The following APOOL variants were observed in gnomAD, a reference collection of about 807,000 sequenced individuals.
The protein encoded by APOOL is apolipoprotein O like.
Under a neutral mutation model 23.1 loss-of-function variants are expected in APOOL, and 12 were observed. The ratio of observed to expected loss-of-function variants is 0.52; its 90% confidence interval spans 0.33 to 0.84. The LOEUF (loss-of-function observed/expected upper bound fraction) is 0.84, where lower values mean the gene tolerates loss of function less well. Ranked by LOEUF, APOOL falls within the 40% of genes least tolerant of loss-of-function variation. The pLI is 0.02. For missense variants in APOOL, 212 were observed against 199.6 expected (o/e 1.06, Z -0.37); for synonymous variants, 77 against 69.9 (o/e 1.10, Z -0.51).
At chrX:85,013,764 C>T (rs973242510) in intron 1 of APOOL, among the ~76,000 whole-genome samples, 1 of 111,516 alleles carries the variant, frequency 9.0e-6, no homozygotes, top group African/African-American at 3.3e-5. Context: ...GAGAATGTTC[C>T]ATGTCCTGAT....
intron 5 of APOOL, among the ~76,000 whole-genome samples, chrX:85,062,583 A>C (rs1923273805): frequency 8.9e-6 from 1 of 112,037 alleles, no homozygotes; most frequent in African/African-American, 3.2e-5. Context: ...GTTTTCCTGC[A>C]TATGGCTAGC....
intron 1 of APOOL, among the ~76,000 whole-genome samples, chrX:85,018,524 C>T (rs1186702937): frequency 9.0e-6 from 1 of 111,518 alleles, no homozygotes; most frequent in Non-Finnish European, 1.9e-5. Context: ...AGGGGACAAA[C>T]ATCCAAATGT....
chrX:85,070,810 G>A (rs192245660), intron 6 of APOOL, among the ~76,000 whole-genome samples: 227 of 103,673 alleles, frequency 2.2e-3, no homozygotes, highest in African/African-American at 5.3e-3. Flanking sequence ...TCTATTCTGC[G>A]TATATGTCCA....
intron 1 of APOOL, among the ~76,000 whole-genome samples, chrX:85,033,753 A>T (rs1179800837): frequency 2.7e-5 from 3 of 111,778 alleles, no homozygotes; most frequent in Non-Finnish European, 5.7e-5. Context: ...TTTCAGGGAC[A>T]TTATAATGAG....
chrX:85,091,505 T>C lies in APOOL; in HGVS notation c.*3827T>C, dbSNP rs1924516218. The C allele has an allele frequency of 8.9e-6, 1 of 112,268 alleles. No homozygotes were observed. The highest frequency in any genetic ancestry group is 1.9e-5 in the Non-Finnish European group (1 of 53,263). 9.3% of individuals were successfully genotyped at this position (112,268 alleles called of 1,213,427 possible). On this transcript the variant is annotated 3_prime_UTR_variant, in exon 9 of 9. Transcript: ENST00000373173. Reference sequence around the variant, plus strand: ...TATCACTGAATAATTTTTGTGTAGTTTCTATGCCCATGAAGTGCCTGGTAG... The same window carrying C: ...TATCACTGAATAATTTTTGTGTAGTCTCTATGCCCATGAAGTGCCTGGTAG...
intron 2 of APOOL, 36 bp from the exon 3 acceptor site, chrX:85,051,353 T>C: frequency 1.7e-6 from 2 of 1,203,696 alleles, no homozygotes; most frequent in Non-Finnish European, 2.2e-6. Flanking sequence ...AGTCCAGCTA[T>C]TTTATGTTTT....
intron 5 of APOOL, among the ~76,000 whole-genome samples, chrX:85,058,248 A>G (rs1602774238): frequency 9.3e-6 from 1 of 107,732 alleles, no homozygotes. Context: ...AACAGGCCCC[A>G]GTGTGTGTTG....
intron 1 of APOOL, among the ~76,000 whole-genome samples, chrX:85,040,056 T>C (rs1358342547): frequency 8.9e-6 from 1 of 112,173 alleles, no homozygotes; most frequent in African/African-American, 3.2e-5. Context: ...TTTCCATGTT[T>C]AGCCCTCCTT....
chrX:85,021,414 C>G (rs1211059587), intron 1 of APOOL, among the ~76,000 whole-genome samples: 1 of 111,356 alleles, frequency 9.0e-6, no homozygotes, highest in Non-Finnish European at 1.9e-5. Context: ...TGCCATAATC[C>G]TAGGCTTCAG....
intron 8 of APOOL, among the ~76,000 whole-genome samples, chrX:85,085,958 A>C (rs1353933557): frequency 8.9e-6 from 1 of 112,358 alleles, no homozygotes; most frequent in African/African-American, 3.2e-5. Flanking sequence ...ACTTTGGTCA[A>C]GTTAGTTAAC....
chrX:85,069,778 G>T (rs1923600050), intron 6 of APOOL, among the ~76,000 whole-genome samples: 1 of 109,724 alleles, frequency 9.1e-6, no homozygotes, highest in African/African-American at 3.3e-5. Flanking sequence ...TTTTAAAATA[G>T]AATGAACAGT....
At chrX:85,038,407 T>C (rs1270629287) in intron 1 of APOOL, among the ~76,000 whole-genome samples, 1 of 110,340 alleles carries the variant, frequency 9.1e-6, no homozygotes, top group African/African-American at 3.3e-5. Context: ...GCTAGCCTCA[T>C]AGAATGAGTT....
At chrX:85,077,070 T>C (rs1352081597) in intron 8 of APOOL, among the ~76,000 whole-genome samples, 1 of 51,150 alleles carries the variant, frequency 2.0e-5, no homozygotes, top group African/African-American at 6.6e-5. Flanking sequence ...CGTATATATA[T>C]ATATACATAT....
chrX:85,082,815 G>T (rs1924158658), intron 8 of APOOL, among the ~76,000 whole-genome samples: 1 of 111,950 alleles, frequency 8.9e-6, no homozygotes, highest in Non-Finnish European at 1.9e-5. Flanking sequence ...TAGAGAGAGG[G>T]CATGTGCCAC....
intron 2 of APOOL, among the ~76,000 whole-genome samples, chrX:85,047,720 C>T (rs1470543765): frequency 9.0e-6 from 1 of 111,412 alleles, no homozygotes; most frequent in East Asian, 2.8e-4. Context: ...TCATGCCAGC[C>T]TGTTGAGCTG....
chrX:85,063,841 T>G, intron 5 of APOOL, among the ~76,000 whole-genome samples: 1 of 110,999 alleles, frequency 9.0e-6, no homozygotes, highest in East Asian at 2.8e-4. Flanking sequence ...CTTTTCTTTT[T>G]TTGTTGTATC....
rs1004025047 is a variant in APOOL, at chrX:85,054,382, A to G, written c.279A>G (p.Thr93=). The G allele has an allele frequency of 1.9e-5, 22 of 1,187,396 alleles. No individual in the cohort carries two copies. Among genetic ancestry groups the G allele is most frequent in the Non-Finnish European group, 2.5e-5 (22 of 883,058 alleles). ...YVFVKNGIMD[T]VQFGKDAYVY... ...TTGTGAAAAATGGGATAATGGATAC[A>G]GTACAATTTGGAAAAGGTAGGTGAG... The change falls in exon 4 of 9, where the codon ACA becomes ACG. Residue 93 remains threonine, a synonymous_variant. Transcript: ENST00000373173.
intron 5 of APOOL, among the ~76,000 whole-genome samples, chrX:85,056,991 C>G (rs1247038792): frequency 1.8e-5 from 2 of 111,554 alleles, no homozygotes; most frequent in East Asian, 5.7e-4. Context: ...TGGAATCATA[C>G]ATAGACTGGC....
chrX:85,053,956 G>A (rs1051390097), intron 3 of APOOL, among the ~76,000 whole-genome samples: 4 of 110,927 alleles, frequency 3.6e-5, no homozygotes, highest in African/African-American at 1.3e-4. Context: ...AAATCATTAT[G>A]TTGTTGCTAT....
Sources: gnomAD v4.1 joint callset for allele counts (sites outside exome capture counted in the v4.1 genomes callset) on GRCh38, gnomAD v4.1.1 for gene constraint, MANE v1.5 for transcripts, NCBI Gene and HGNC (gene_info 2026-07-23, HGNC 2026-07-21) for gene names.